The following RAB8B variants were observed in gnomAD, a reference collection of about 807,000 sequenced individuals.
The protein encoded by RAB8B is ras-related protein Rab-8B.
In RAB8B, 11 loss-of-function variants were observed where a neutral mutation model predicts 32.0. That is an observed-to-expected ratio of 0.34 (90% CI 0.22 to 0.57). The LOEUF (loss-of-function observed/expected upper bound fraction) is 0.57, where lower values mean the gene tolerates loss of function less well. Ranked by LOEUF, RAB8B falls within the 20% of genes least tolerant of loss-of-function variation. RAB8B has a pLI of 0.86. For missense variants in RAB8B, 190 were observed against 258.5 expected (o/e 0.73, Z 1.82); for synonymous variants, 103 against 89.6 (o/e 1.15, Z -0.85).
intron 1 of RAB8B, among the ~76,000 whole-genome samples, chr15:63,195,988 G>A (rs1299165768): frequency 6.6e-6 from 1 of 152,214 alleles, no homozygotes; most frequent in Admixed American, 6.5e-5. Flanking sequence ...AGTGGACCCA[G>A]AATGGGAAGC....
rs1244250030 is a variant in RAB8B, at chr15:63,259,293, G to A, written c.415-334G>A. On this transcript the variant is annotated intron_variant, in intron 5 of 7. Coordinates refer to ENST00000321437, the MANE Select transcript of RAB8B (RefSeq NM_016530.3). This position sits in a 1 kb window ranked among gnomAD's most constrained non-coding sequence, Gnocchi z 4.4. Reference sequence around the variant, plus strand: ...TGCCACCACGCCCGGCTAATTTTTTGTATTTTTAGTAGAGGCGGGGTTTCA... The same window carrying A: ...TGCCACCACGCCCGGCTAATTTTTTATATTTTTAGTAGAGGCGGGGTTTCA... Among the ~76,000 whole-genome samples the A allele has an allele frequency of 6.6e-6, 1 of 151,616 alleles. No individual in the cohort carries two copies. Among genetic ancestry groups the A allele is most frequent in the Non-Finnish European group, 1.5e-5 (1 of 67,826 alleles).
At chr15:63,198,119 A>G (rs926333923) in intron 1 of RAB8B, among the ~76,000 whole-genome samples, 1 of 152,168 alleles carries the variant, frequency 6.6e-6, no homozygotes, top group Non-Finnish European at 1.5e-5. Flanking sequence ...GGTTGTCCTT[A>G]GAGGAAGAAA....
chr15:63,228,452 C>A (rs1338428214), intron 1 of RAB8B, among the ~76,000 whole-genome samples: 1 of 152,178 alleles, frequency 6.6e-6, no homozygotes, highest in East Asian at 1.9e-4. Context: ...CAGGGATAGC[C>A]TGGAAAAATG....
rs753188726 is a variant in RAB8B, at chr15:63,248,849, AGC to A, written c.186-795_186-794del. On this transcript the variant is annotated intron_variant, in intron 2 of 7. Transcript: ENST00000321437. The surrounding 1 kb of genome is among the most constrained non-coding windows in gnomAD (Gnocchi z 4.4). ...TCTCCTGCAATTAAATTGTCTTAGT[AGC>A]ACAGGGAATGAATTAGTTCTGGCTG... is the stretch of plus-strand genomic sequence containing the variant. 6.9e-4 allele frequency among the ~76,000 whole-genome samples: 105 copies of A among 152,308 alleles called. No individual in the cohort carries two copies. The highest frequency in any genetic ancestry group is 1.2e-3 in the Non-Finnish European group (84 of 68,026).
At chr15:63,241,397 C>T (rs2038030967) in intron 1 of RAB8B, among the ~76,000 whole-genome samples, 1 of 152,076 alleles carries the variant, frequency 6.6e-6, no homozygotes, top group Non-Finnish European at 1.5e-5. Context: ...TGGACATTGG[C>T]CTTTTAATTA....
intron 1 of RAB8B, among the ~76,000 whole-genome samples, chr15:63,236,466 CT>C (rs1474611790): frequency 6.6e-6 from 1 of 152,168 alleles, no homozygotes; most frequent in African/African-American, 2.4e-5. Context: ...GTGTTTCCAG[CT>C]GGGTGGGCTG....
At chr15:63,215,810 G>C (rs1324113190) in intron 1 of RAB8B, among the ~76,000 whole-genome samples, 1 of 152,132 alleles carries the variant, frequency 6.6e-6, no homozygotes, top group Non-Finnish European at 1.5e-5. Flanking sequence ...GCTGAGGCAG[G>C]ATGATTGTTT....
chr15:63,232,698 T>G (rs1014100830), intron 1 of RAB8B, among the ~76,000 whole-genome samples: 2 of 151,128 alleles, frequency 1.3e-5, no homozygotes, highest in African/African-American at 4.9e-5. Context: ...GTTTATCAGG[T>G]TTTTTTTTAA....
intron 1 of RAB8B, among the ~76,000 whole-genome samples, chr15:63,240,664 C>A (rs894331336): frequency 2.6e-5 from 4 of 151,804 alleles, no homozygotes; most frequent in South Asian, 2.1e-4. Context: ...TGTCAGTTGG[C>A]CCTTGACAAC....
intron 1 of RAB8B, among the ~76,000 whole-genome samples, chr15:63,222,327 G>A (rs1174897503): frequency 1.3e-5 from 2 of 151,806 alleles, no homozygotes; most frequent in African/African-American, 2.4e-5. Context: ...TTGTCTCTCC[G>A]GCTTAGGGGT....
intron 1 of RAB8B, among the ~76,000 whole-genome samples, chr15:63,205,827 A>T (rs1464393589): frequency 6.6e-6 from 1 of 152,238 alleles, no homozygotes; most frequent in Non-Finnish European, 1.5e-5. Flanking sequence ...AAATGTTCAG[A>T]TGGTAAGAGT....
intron 1 of RAB8B, among the ~76,000 whole-genome samples, chr15:63,232,114 A>T (rs571856637): frequency 5.9e-5 from 9 of 152,170 alleles, no homozygotes; most frequent in Non-Finnish European, 1.2e-4. Flanking sequence ...TAGCTGTATT[A>T]TTACACTTTA....
chr15:63,218,919 C>A (rs1312741459), intron 1 of RAB8B, among the ~76,000 whole-genome samples: 2 of 149,874 alleles, frequency 1.3e-5, no homozygotes, highest in Non-Finnish European at 2.9e-5. Flanking sequence ...ATTTTAGGGG[C>A]AGCTATATAC....
chr15:63,229,704 C>A (rs2037918552), intron 1 of RAB8B, among the ~76,000 whole-genome samples: 1 of 144,126 alleles, frequency 6.9e-6, no homozygotes. Flanking sequence ...TCTCTTGAAC[C>A]CTGGGGGCAG....
intron 1 of RAB8B, among the ~76,000 whole-genome samples, chr15:63,243,996 A>G (rs989324722): frequency 1.3e-5 from 2 of 151,750 alleles, no homozygotes; most frequent in Non-Finnish European, 2.9e-5. Flanking sequence ...TAACTAACTC[A>G]CTCCTGTGAT....
intron 1 of RAB8B, among the ~76,000 whole-genome samples, chr15:63,207,490 A>AT (rs963534579): frequency 8.6e-4 from 127 of 148,456 alleles, no homozygotes; most frequent in African/African-American, 2.9e-3. Flanking sequence ...TTTAACCCAT[A>AT]TTTTTTTTCA....
intron 1 of RAB8B, among the ~76,000 whole-genome samples, chr15:63,200,451 G>T (rs2037638049): frequency 6.6e-6 from 1 of 152,180 alleles, no homozygotes; most frequent in Admixed American, 6.5e-5. Context: ...TCTTTGAGAA[G>T]AAATGTATAA....
intron 7 of RAB8B, 92 bp downstream of exon 7, chr15:63,262,834 A>T: frequency 2.1e-6 from 1 of 473,724 alleles, no homozygotes; most frequent in Non-Finnish European, 3.3e-6. Flanking sequence ...CTCAAATTAA[A>T]CTCATTTTTT....
chr15:63,199,968 C>T (rs1215032216), intron 1 of RAB8B, among the ~76,000 whole-genome samples: 2 of 152,124 alleles, frequency 1.3e-5, no homozygotes, highest in African/African-American at 4.8e-5. Flanking sequence ...CAAGTTATCT[C>T]TTAATTCTTA....
Sources: allele counts gnomAD v4.1 joint callset (sites outside exome capture counted in the v4.1 genomes callset), GRCh38; gene constraint gnomAD v4.1.1; non-coding constraint Gnocchi (gnomAD v3.1); transcripts MANE v1.5; gene names NCBI Gene and HGNC (gene_info 2026-07-23, HGNC 2026-07-21).